S1PR5: variants seen among roughly 807,000 people sequenced by gnomAD.
The protein encoded by S1PR5 is sphingosine 1-phosphate receptor 5.
For missense variants in S1PR5, 583 were observed against 571.7 expected (o/e 1.02, Z -0.20); for synonymous variants, 307 against 284.7 (o/e 1.08, Z -0.79).
At chr19:10,517,195 G>T in intron 1 of S1PR5, 1 of 189,636 alleles carries the variant, frequency 5.3e-6, no homozygotes, top group Non-Finnish European at 9.8e-6. Context: ...GGGGATTCCA[G>T]CCACCTTCAC....
At chr19:10,517,364 C>G (rs1915463710) in intron 1 of S1PR5, 34 bp downstream of exon 1, 2 of 985,292 alleles carry the variant, frequency 2.0e-6, no homozygotes, top group South Asian at 4.7e-5. Flanking sequence ...AGGCCCAGCC[C>G]AGCGCCCCCA....
In S1PR5 at chr19:10,514,019, G is replaced by GTCTCTGCC; in HGVS notation, c.985_992dup (p.Asp331GlufsTer131). On this transcript the variant is annotated frameshift_variant, in exon 2 of 2. Transcript: ENST00000333430. LOFTEE classifies it low-confidence loss of function (END_TRUNC). ...TCGCCGACTGCTGGGAGCCACTCGGGTCTCTGCCGCAGGAGTGGCGTCCGC... is the reference window on the plus strand; with the variant it reads ...TCGCCGACTGCTGGGAGCCACTCGGGTCTCTGCCTCTCTGCCGCAGGAGTGGCGTCCGC... 1 of 1,609,574 alleles carries GTCTCTGCC rather than the reference G, an allele frequency of 6.2e-7. No homozygotes were observed. The highest frequency in any genetic ancestry group is 1.1e-5 in the South Asian group (1 of 90,910).
rs1915312711 is a variant in S1PR5 at position 10,512,887 on chromosome 19, T to A, written c.*928A>T. 1 of 136,922 alleles carries A rather than the reference T, an allele frequency of 7.3e-6. No individual in the cohort carries two copies. The highest frequency in any genetic ancestry group is 1.5e-5 in the Non-Finnish European group (1 of 65,662). The allele number at this position is 136,922 out of a possible 1,614,324, so 8.5% of individuals were successfully genotyped here. On this transcript the variant is annotated 3_prime_UTR_variant, in exon 2 of 2. Coordinates refer to ENST00000333430, the MANE Select transcript of S1PR5 (RefSeq NM_030760.5). Reference sequence around the variant, plus strand: ...TAATTGTGCCCATTGCACTCCAGCCTGGGTGACAGAGCACAAGATCCCAAC... The same window carrying A: ...TAATTGTGCCCATTGCACTCCAGCCAGGGTGACAGAGCACAAGATCCCAAC...
upstream of S1PR5, chr19:10,517,607 G>A: frequency 1.0e-6 from 1 of 985,328 alleles, no homozygotes; most frequent in Non-Finnish European, 1.2e-6. Flanking sequence ...GCACCGGAGC[G>A]CGCCCCGGCG....
In S1PR5 at chr19:10,514,014, C is replaced by G. The variant is rs778672385; in HGVS notation, c.998G>C (p.Ser333Thr). ...CGRHSCGRDP[S>T]GSQQSASAAE... is the part of the protein sequence containing the mutation. The stretch of plus-strand genomic sequence containing the variant: ...CGCGCTCGCCGACTGCTGGGAGCCA[C>G]TCGGGTCTCTGCCGCAGGAGTGGCG... Residue 333 changes from serine (S) to threonine (T), a missense_variant, in exon 2 of 2, where the codon AGT becomes ACT. Physicochemically the swap from Ser to Thr is moderately conservative, Grantham distance 58. Coordinates refer to ENST00000333430, the MANE Select transcript of S1PR5 (RefSeq NM_030760.5). 8 of 1,608,832 alleles carry G rather than the reference C, an allele frequency of 5.0e-6. No homozygotes were observed. The highest frequency in any genetic ancestry group is 6.8e-6 in the Non-Finnish European group (8 of 1,178,638).
chr19:10,517,283 G>T (rs975937558), intron 1 of S1PR5, 115 bp downstream of exon 1: 1 of 802,982 alleles, frequency 1.2e-6, no homozygotes, highest in South Asian at 5.6e-5. Flanking sequence ...AAAGTTCGGA[G>T]AACTCCCTGC....
In S1PR5 at chr19:10,513,717, CT is replaced by C; in HGVS notation, c.*97del. On this transcript the variant is annotated 3_prime_UTR_variant, in exon 2 of 2. Transcript: ENST00000333430. ...CTGCATAAATACATTTCCCCTGCAT[CT>C]TTTCCGACTGCACCTTTGGCTGCAT... 2 of 1,506,066 alleles carry C rather than the reference CT, an allele frequency of 1.3e-6. No individual in the cohort carries two copies. Among genetic ancestry groups the C allele is most frequent in the South Asian group, 1.3e-5 (1 of 79,406 alleles). The allele number at this position is 1,506,066 out of a possible 1,614,324, so 93.3% of individuals were successfully genotyped here. A position where few individuals can be genotyped will look rare whatever the true frequency, so the allele number is the denominator to read the frequency against.
chr19:10,514,946 G>T lies in S1PR5; in HGVS notation c.66C>A (p.Thr22=), dbSNP rs1411335564. ...SEVIVLHYNY[T]GKLRGARYQP... is the part of the protein sequence containing the mutation. Reference sequence around the variant, plus strand: ...GGTAGCGCGCACCGCGGAGCTTGCCGGTGTAGTTGTAATGCAGGACGATGA... The same window carrying T: ...GGTAGCGCGCACCGCGGAGCTTGCCTGTGTAGTTGTAATGCAGGACGATGA... Residue 22 remains threonine, a synonymous_variant, in exon 2 of 2, where the codon ACC becomes ACA. Transcript: ENST00000333430. 6.2e-7 allele frequency: 1 copy of T among 1,605,416 alleles called. No individual in the cohort carries two copies. Among genetic ancestry groups the T allele is most frequent in the East Asian group, 2.2e-5 (1 of 44,760 alleles).
rs780645540 is a variant in S1PR5, at chr19:10,514,721, C to T, written c.291G>A (p.Gly97=). ...CGGGGGACAGTTTCAGCGTGAGCGG[C>T]CCCGACAGTAGGATGTTGGCGGCGT... The part of the protein sequence containing the change: ...AAYAANILLS[G]PLTLKLSPAL... The change falls in exon 2 of 2, where the codon GGG becomes GGA. Residue 97 remains glycine (G), a synonymous_variant. Transcript: ENST00000333430. The T allele has an allele frequency of 6.2e-7, 1 of 1,611,196 alleles. No individual in the cohort carries two copies. The highest frequency in any genetic ancestry group is 8.5e-7 in the Non-Finnish European group (1 of 1,179,240).
intron 1 of S1PR5, among the ~76,000 whole-genome samples, chr19:10,515,576 G>A (rs1915419272): frequency 6.6e-6 from 1 of 151,992 alleles, no homozygotes; most frequent in South Asian, 2.1e-4. Context: ...TCGCATCACT[G>A]CACTCCAACC....
Position 10,514,480 on chromosome 19 carries a change from G to A in S1PR5, c.532C>T (p.Arg178Cys). ...LPALGWNCLGRLDACSTVLPL... is the reference protein window; with the variant it reads ...LPALGWNCLGCLDACSTVLPL... The stretch of plus-strand genomic sequence containing the variant: ...AAGACAGTGGAGCAAGCGTCCAGGC[G>A]ACCCAGGCAATTCCAGCCCAGCGCT... Residue 178 changes from arginine (R) to cysteine (C), a missense_variant, in exon 2 of 2, where the codon CGC becomes TGC. Arg to Cys is a radical substitution (Grantham distance 180). Transcript: ENST00000333430. The A allele has an allele frequency of 1.2e-6, 2 of 1,606,064 alleles. No homozygotes were observed. The highest frequency in any genetic ancestry group is 4.5e-5 in the East Asian group (2 of 44,526).
At position 10,514,037 on chromosome 19, in the gene S1PR5, G is replaced by C. The variant is rs142151258; in HGVS notation, c.975C>G (p.Arg325=). Reference sequence around the variant, plus strand: ...CACTCGGGTCTCTGCCGCAGGAGTGGCGTCCGCAGCAGACCAGGCGCAGGA... The same window carrying C: ...CACTCGGGTCTCTGCCGCAGGAGTGCCGTCCGCAGCAGACCAGGCGCAGGA... The part of the protein sequence containing the change: ...HALLRLVCCG[R]HSCGRDPSGS... The change falls in exon 2 of 2, where the codon CGC becomes CGG. Residue 325 remains arginine, a synonymous_variant. Coordinates refer to ENST00000333430, the MANE Select transcript of S1PR5 (RefSeq NM_030760.5). 1.2e-6 allele frequency: 2 copies of C among 1,611,430 alleles called. No homozygotes were observed. The highest frequency in any genetic ancestry group is 1.7e-6 in the Non-Finnish European group (2 of 1,179,556).
rs548981625 is a variant in S1PR5 at position 10,515,049 on chromosome 19, C to T, written c.-18-20G>A. ...CCAAGGCTGTTGGAGAGGCAAGATA[C>T]GGTGTCAGGCCGCGGTCCCCGTAAG... is the stretch of plus-strand genomic sequence containing the variant. On this transcript the variant is annotated intron_variant, in intron 1 of 1. Transcript: ENST00000333430. 27 of 1,513,078 alleles carry T rather than the reference C, an allele frequency of 1.8e-5. No homozygotes were observed. The South Asian group carries it at 3.2e-4, about 18-fold the overall frequency. The allele number at this position is 1,513,078 out of a possible 1,614,324, so 93.7% of individuals were successfully genotyped here. A position where few individuals can be genotyped will look rare whatever the true frequency, so the allele number is the denominator to read the frequency against.
At position 10,513,586 on chromosome 19, in the gene S1PR5, C is replaced by T; in HGVS notation, c.*229G>A. On this transcript the variant is annotated 3_prime_UTR_variant, in exon 2 of 2. Coordinates refer to ENST00000333430, the MANE Select transcript of S1PR5 (RefSeq NM_030760.5). ...CATCTCTGTCGTTTGTCACTGGAATCATCTCCATTATTTCATCACCGAGTT... is the reference window on the plus strand; with the variant it reads ...CATCTCTGTCGTTTGTCACTGGAATTATCTCCATTATTTCATCACCGAGTT... The T allele has an allele frequency of 1.6e-6, 1 of 615,564 alleles. No homozygotes were observed. Among genetic ancestry groups the T allele is most frequent in the African/African-American group, 1.9e-5 (1 of 51,830 alleles). 38.1% of individuals were successfully genotyped at this position (615,564 alleles called of 1,614,324 possible). A position where few individuals can be genotyped will look rare whatever the true frequency, so the allele number is the denominator to read the frequency against.
Position 10,514,718 on chromosome 19 carries a change from C to G in S1PR5, c.294G>C (p.Pro98=), listed in dbSNP as rs942409547. ...GCGCGGGGGACAGTTTCAGCGTGAG[C>G]GGCCCCGACAGTAGGATGTTGGCGG... The part of the protein sequence containing the change: ...AYAANILLSG[P]LTLKLSPALW... Residue 98 remains proline (P), a synonymous_variant, in exon 2 of 2, where the codon CCG becomes CCC. Transcript: ENST00000333430. The G allele has an allele frequency of 6.2e-7, 1 of 1,610,608 alleles. No homozygotes were observed. The highest frequency in any genetic ancestry group is 1.3e-5 in the African/African-American group (1 of 75,016).
Position 10,513,411 on chromosome 19 carries a change from G to A in S1PR5, c.*404C>T, listed in dbSNP as rs2144650155. ...CACACCAGCATCGCTGCATTTCTTA[G>A]AACACATGGGCACATTTCAGCCTCA... is the stretch of plus-strand genomic sequence containing the variant. On this transcript the variant is annotated 3_prime_UTR_variant, in exon 2 of 2. Transcript: ENST00000333430. 1 of 458,862 alleles carries A rather than the reference G, an allele frequency of 2.2e-6. No homozygotes were observed. The highest frequency in any genetic ancestry group is 5.3e-5 in the South Asian group (1 of 18,992). 28.4% of individuals were successfully genotyped at this position (458,862 alleles called of 1,614,324 possible).
At chr19:10,517,931 C>T (rs1853914599), upstream of S1PR5, 1 of 153,494 alleles carries the variant, frequency 6.5e-6, no homozygotes, top group Non-Finnish European at 1.4e-5. Context: ...CCACCTTAGC[C>T]TGAGTCCTCT....
chr19:10,514,233 A>G lies in S1PR5; in HGVS notation c.779T>C (p.Phe260Ser). Reference sequence around the variant, plus strand: ...GAAGAGGGGGCCCCAACATGCCACAAAGGCCAGGAGCACCACGCTGAGCGT... The same window carrying G: ...GAAGAGGGGGCCCCAACATGCCACAGAGGCCAGGAGCACCACGCTGAGCGT... ...LRTLSVVLLA[F>S]VACWGPLFLL... is the part of the protein sequence containing the mutation. Residue 260 changes from phenylalanine (F) to serine (S), a missense_variant, in exon 2 of 2, where the codon TTT becomes TCT. Coordinates refer to ENST00000333430, the MANE Select transcript of S1PR5 (RefSeq NM_030760.5). 1.2e-6 allele frequency: 2 copies of G among 1,606,412 alleles called. No homozygotes were observed. The highest frequency in any genetic ancestry group is 1.7e-6 in the Non-Finnish European group (2 of 1,176,908).
intron 1 of S1PR5, among the ~76,000 whole-genome samples, chr19:10,516,584 G>A (rs533447233): frequency 3.5e-5 from 5 of 143,846 alleles, no homozygotes; most frequent in Non-Finnish European, 7.5e-5. Context: ...TCCAGCCTGG[G>A]TGACAAGAGA....
Sources: allele counts gnomAD v4.1 joint callset (sites outside exome capture counted in the v4.1 genomes callset), GRCh38; gene constraint gnomAD v4.1.1; transcripts MANE v1.5; gene names NCBI Gene and HGNC (gene_info 2026-07-23, HGNC 2026-07-21).